Variants in CD2 observed in about 807,000 individuals in gnomAD.
CD2 encodes the protein T-cell surface antigen CD2.
In CD2, 18 loss-of-function variants were observed where a neutral mutation model predicts 23.2. That is an observed-to-expected ratio of 0.77 (90% confidence interval 0.54 to 1.15). The LOEUF (loss-of-function observed/expected upper bound fraction) is 1.15, where lower values mean the gene tolerates loss of function less well. Ranked by LOEUF, CD2 falls within the 50% of genes most tolerant of loss-of-function variation. CD2 has a pLI of 0.00. For missense variants in CD2, 424 were observed against 423.1 expected (o/e 1.00, Z -0.02); for synonymous variants, 162 against 151.9 (o/e 1.07, Z -0.49).
chr1:116,768,830 G>A lies in CD2; in HGVS notation c.*47G>A. ...TCAATAAAAAGCACTGTGGATTTCTGCCCTCCTGATGTGCATATCCGTACT... is the reference window on the plus strand; with the variant it reads ...TCAATAAAAAGCACTGTGGATTTCTACCCTCCTGATGTGCATATCCGTACT... On this transcript the variant is annotated 3_prime_UTR_variant, in exon 5 of 5. Coordinates refer to ENST00000369478, the MANE Select transcript of CD2 (RefSeq NM_001767.5). 1 of 1,546,144 alleles carries A rather than the reference G, an allele frequency of 6.5e-7. No homozygotes were observed.
At chr1:116,755,088 T>C in intron 2 of CD2, 137 bp downstream of exon 2, 2 of 645,358 alleles carry the variant, frequency 3.1e-6, no homozygotes, top group South Asian at 4.0e-5. Flanking sequence ...GCATGTCTCC[T>C]GCCCCAGTGG....
At chr1:116,761,576 C>T (rs534207032) in intron 3 of CD2, among the ~76,000 whole-genome samples, 8 of 152,288 alleles carry the variant, frequency 5.3e-5, no homozygotes, top group Admixed American at 2.6e-4. Flanking sequence ...CTTTTTGTAA[C>T]TTAATCTCAG....
At chr1:116,765,566 C>A (rs79193117) in intron 4 of CD2, among the ~76,000 whole-genome samples, 2,310 of 152,270 alleles carry the variant, frequency 0.015, 56 homozygotes, top group African/African-American at 0.052. Flanking sequence ...ACGTCACTAC[C>A]CCCAGCCCAG....
At chr1:116,763,070 C>G (rs1652107546) in intron 3 of CD2, among the ~76,000 whole-genome samples, 1 of 152,210 alleles carries the variant, frequency 6.6e-6, no homozygotes, top group African/African-American at 2.4e-5. Context: ...TCTCCTGCCC[C>G]TCGTCCAAGC....
rs918317676 is a variant in CD2 at position 116,759,557 on chromosome 1, C to T, written c.383-845C>T. Among the ~76,000 whole-genome samples, 8 of 152,118 alleles carry T rather than the reference C, an allele frequency of 5.3e-5. No homozygotes were observed. In the East Asian group the frequency reaches 5.8e-4, roughly 11 times the overall value. ...TTCCTTTTGTGGTGCAATCTCTGTG[C>T]GGGAGAGGCAAGAGGTTTGTGATTA... On this transcript the variant is annotated intron_variant, in intron 2 of 4. Coordinates refer to ENST00000369478, the MANE Select transcript of CD2 (RefSeq NM_001767.5).
At position 116,754,439 on chromosome 1, in the gene CD2, T is replaced by A; in HGVS notation, c.-54T>A. ...GGGTGTGGACTCCACCAGTCTCACT[T>A]CAGTTCCTTTTGCATGAAGAGCTCA... On this transcript the variant is annotated 5_prime_UTR_variant, in exon 1 of 5. Transcript: ENST00000369478. The A allele has an allele frequency of 2.7e-6, 4 of 1,505,890 alleles. No homozygotes were observed. The highest frequency in any genetic ancestry group is 3.7e-6 in the Non-Finnish European group (4 of 1,087,958). 93.3% of individuals were successfully genotyped at this position (1,505,890 alleles called of 1,614,324 possible).
chr1:116,757,248 C>A (rs532045479), intron 2 of CD2, among the ~76,000 whole-genome samples: 1 of 152,108 alleles, frequency 6.6e-6, no homozygotes, highest in Non-Finnish European at 1.5e-5. Flanking sequence ...CCGCCTGCAT[C>A]GGCCTCCCAA....
rs746876856 is a variant in CD2, at chr1:116,754,564, G to C, written c.61+11G>C. 2 of 1,612,726 alleles carry C rather than the reference G, an allele frequency of 1.2e-6. No homozygotes were observed. The highest frequency in any genetic ancestry group is 1.7e-6 in the Non-Finnish European group (2 of 1,179,606). On this transcript the variant is annotated intron_variant, in intron 1 of 4. Coordinates refer to ENST00000369478, the MANE Select transcript of CD2 (RefSeq NM_001767.5). ...ATGTTTCTTCCAAAGGTAAGCATAA[G>C]AGTCAAAGAAGTCCCAACCCAGCTT...
At position 116,760,480 on chromosome 1, in the gene CD2, CCGAAT is replaced by C; in HGVS notation, c.462_466del (p.Glu155LysfsTer90). On this transcript the variant is annotated frameshift_variant, in exon 3 of 5. Coordinates refer to ENST00000369478, the MANE Select transcript of CD2 (RefSeq NM_001767.5). LOFTEE classifies it high-confidence loss of function. Reference sequence around the variant, plus strand: ...TGTGAGGTAATGAATGGAACTGACCCCGAATTAAACCTGTATCAAGATGGGAAACA... The same window carrying C: ...TGTGAGGTAATGAATGGAACTGACCCTAAACCTGTATCAAGATGGGAAACA... 1 of 1,614,146 alleles carries C rather than the reference CCGAAT, an allele frequency of 6.2e-7. No homozygotes were observed. Among genetic ancestry groups the C allele is most frequent in the Non-Finnish European group, 8.5e-7 (1 of 1,180,022 alleles).
intron 4 of CD2, 122 bp downstream of exon 4, chr1:116,764,728 G>A (rs1652162988): frequency 3.9e-6 from 3 of 766,740 alleles, no homozygotes; most frequent in African/African-American, 1.7e-5. Flanking sequence ...GGAATGTCAG[G>A]GTTGTAGTCA....
In CD2 at chr1:116,769,051, T is replaced by G. The variant is rs866477617; in HGVS notation, c.*268T>G. On this transcript the variant is annotated 3_prime_UTR_variant, in exon 5 of 5. Coordinates refer to ENST00000369478, the MANE Select transcript of CD2 (RefSeq NM_001767.5). Reference sequence around the variant, plus strand: ...TGGTAGAGGACCGAGCACAGAAATCTTAGAGATTTCTTGTCCCCTCTCAGG... The same window carrying G: ...TGGTAGAGGACCGAGCACAGAAATCGTAGAGATTTCTTGTCCCCTCTCAGG... The G allele has an allele frequency of 5.9e-5, 25 of 421,384 alleles. No individual in the cohort carries two copies. The highest frequency in any genetic ancestry group is 4.8e-4 in the African/African-American group (24 of 49,900). The allele number at this position is 421,384 out of a possible 1,614,324, so 26.1% of individuals were successfully genotyped here. A position where few individuals can be genotyped will look rare whatever the true frequency, so the allele number is the denominator to read the frequency against.
rs372593281 is a variant in CD2 at position 116,754,737 on chromosome 1, T to C, written c.168T>C (p.Asp56=). The C allele has an allele frequency of 6.2e-6, 10 of 1,613,522 alleles. No homozygotes were observed. The highest frequency in any genetic ancestry group is 6.8e-6 in the Non-Finnish European group (8 of 1,179,746). The change falls in exon 2 of 5, where the codon GAT becomes GAC. Residue 56 remains aspartate (D), a synonymous_variant. Transcript: ENST00000369478. ...PSFQMSDDID[D]IKWEKTSDKK... ...TTCAAATGAGTGATGATATTGACGA[T>C]ATAAAATGGGAAAAAACTTCAGACA...
intron 4 of CD2, among the ~76,000 whole-genome samples, chr1:116,766,940 T>C (rs150626909): frequency 1.3e-3 from 201 of 152,182 alleles, no homozygotes; most frequent in African/African-American, 4.3e-3. Context: ...GCTTGCCACA[T>C]AGGAGATGAA....
rs1167182650 is a variant in CD2, at chr1:116,760,602, G to A, written c.583G>A (p.Glu195Lys). Reference sequence around the variant, plus strand: ...CACAGCAGGGAACAAAGTCAGCAAGGAATCCAGTGTCGAGCCTGTCAGCTG... The same window carrying A: ...CACAGCAGGGAACAAAGTCAGCAAGAAATCCAGTGTCGAGCCTGTCAGCTG... ...KCTAGNKVSKESSVEPVSCPE... is the reference protein window; with the variant it reads ...KCTAGNKVSKKSSVEPVSCPE... The change falls in exon 3 of 5, where the codon GAA (glutamate) becomes AAA (lysine). Residue 195 changes from glutamate (E) to lysine (K), a missense_variant. Physicochemically the swap from Glu to Lys is moderately conservative, Grantham distance 56. Coordinates refer to ENST00000369478, the MANE Select transcript of CD2 (RefSeq NM_001767.5). 7 of 1,614,226 alleles carry A rather than the reference G, an allele frequency of 4.3e-6. No homozygotes were observed. Among genetic ancestry groups the A allele is most frequent in the South Asian group, 2.2e-5 (2 of 91,086 alleles).
chr1:116,756,113 C>T (rs943458140), intron 2 of CD2, among the ~76,000 whole-genome samples: 5 of 152,168 alleles, frequency 3.3e-5, no homozygotes, highest in Admixed American at 3.3e-4. Flanking sequence ...ATCCCAGACA[C>T]TGTCAGCTCC....
intron 2 of CD2, among the ~76,000 whole-genome samples, chr1:116,759,872 G>T (rs969606965): frequency 1.9e-4 from 29 of 152,188 alleles, no homozygotes; most frequent in Non-Finnish European, 4.0e-4. Flanking sequence ...GGAACTTGGT[G>T]GGGGCAGAGG....
chr1:116,768,108 G>A (rs962014651), intron 4 of CD2, among the ~76,000 whole-genome samples: 13 of 152,122 alleles, frequency 8.5e-5, no homozygotes, highest in African/African-American at 1.9e-4. Context: ...CTTCCCATGC[G>A]CTCTAACCAT....
rs186465057 is a variant in CD2 at position 116,754,932 on chromosome 1, A to G, written c.363A>G (p.Ile121Met). 1.9e-5 allele frequency: 30 copies of G among 1,593,636 alleles called. No individual in the cohort carries two copies. The East Asian group carries it at 5.8e-4, about 31-fold the overall frequency. ...AAGGAAAAAATGTGTTGGAAAAAATATTTGATTTGAAGATTCAAGGTAAGT... is the reference window on the plus strand; with the variant it reads ...AAGGAAAAAATGTGTTGGAAAAAATGTTTGATTTGAAGATTCAAGGTAAGT... ...DTKGKNVLEK[I>M]FDLKIQERVS... The change falls in exon 2 of 5, where the codon ATA becomes ATG. Residue 121 changes from isoleucine (I) to methionine (M), a missense_variant. Physicochemically the swap from Ile to Met is conservative, Grantham distance 10. Coordinates refer to ENST00000369478, the MANE Select transcript of CD2 (RefSeq NM_001767.5).
intron 4 of CD2, among the ~76,000 whole-genome samples, chr1:116,767,709 C>G (rs963500155): frequency 6.6e-6 from 1 of 152,078 alleles, no homozygotes; most frequent in African/African-American, 2.4e-5. Context: ...ACCTAACTTA[C>G]AGCCTAAAGG....
Sources: gnomAD v4.1 joint callset for allele counts (sites outside exome capture counted in the v4.1 genomes callset) on GRCh38, gnomAD v4.1.1 for gene constraint, MANE v1.5 for transcripts, NCBI Gene and HGNC (gene_info 2026-07-23, HGNC 2026-07-21) for gene names.